Variants in PTPRD observed in about 807,000 individuals in gnomAD.
PTPRD encodes the protein protein tyrosine phosphatase receptor type D.
A neutral mutation model predicts 214.5 loss-of-function variants in PTPRD; 34 were observed. The observed-to-expected ratio is 0.16, with a 90% CI of 0.12 to 0.21. PTPRD has a LOEUF of 0.21. PTPRD is among the 10% of genes least tolerant of loss of function. The pLI, the probability that PTPRD is intolerant of heterozygous loss-of-function variation, is 1.00. For missense variants in PTPRD, 2,545 were observed against 2,398.7 expected (o/e 1.06, Z -1.27); for synonymous variants, 1,128 against 845.7 (o/e 1.33, Z -5.79).
intron 7 of PTPRD, among the ~76,000 whole-genome samples, chr9:9,650,214 G>A (rs1379016711): frequency 6.6e-6 from 1 of 152,104 alleles, no homozygotes; most frequent in African/African-American, 2.4e-5. Flanking sequence ...GATGTGCCTT[G>A]CTTCCCCATT....
intron 2 of PTPRD, among the ~76,000 whole-genome samples, chr9:10,392,259 C>A (rs1478472173): frequency 6.6e-6 from 1 of 151,846 alleles, no homozygotes; most frequent in Non-Finnish European, 1.5e-5. Context: ...AGTCACTAGC[C>A]ACATGAGGAT....
chr9:8,826,765 T>C (rs563323142), intron 11 of PTPRD, among the ~76,000 whole-genome samples: 1 of 152,174 alleles, frequency 6.6e-6, no homozygotes, highest in East Asian at 1.9e-4. Flanking sequence ...AAATGCCCAG[T>C]GTTTAGCATG....
At chr9:10,056,044 C>G (rs988465348) in intron 3 of PTPRD, among the ~76,000 whole-genome samples, 1 of 146,314 alleles carries the variant, frequency 6.8e-6, no homozygotes, top group Non-Finnish European at 1.5e-5. Context: ...ATTAAAGAGC[C>G]GGGCGCAGTG....
chr9:8,582,180 G>GGTTGGGACTAGCCAATAAACAGT (rs2093217722), intron 14 of PTPRD, among the ~76,000 whole-genome samples: 1 of 152,092 alleles, frequency 6.6e-6, no homozygotes, highest in African/African-American at 2.4e-5. Context: ...AGGAGAGAAA[G>GGTTGGGACTAGCCAATAAACAGT]GTTGGGACTA....
At chr9:9,444,551 C>A (rs949901225) in intron 8 of PTPRD, among the ~76,000 whole-genome samples, 2 of 152,102 alleles carry the variant, frequency 1.3e-5, no homozygotes, top group Non-Finnish European at 2.9e-5. Flanking sequence ...CTAATAAACA[C>A]AGATGTTTTT....
At chr9:8,371,116 A>G (rs2134392855) in intron 39 of PTPRD, among the ~76,000 whole-genome samples, 1 of 152,210 alleles carries the variant, frequency 6.6e-6, no homozygotes, top group East Asian at 1.9e-4. Context: ...GGTATGTGGG[A>G]AAGAACATGA....
intron 11 of PTPRD, among the ~76,000 whole-genome samples, chr9:8,975,806 A>G (rs905020945): frequency 2.7e-5 from 4 of 150,522 alleles, no homozygotes; most frequent in Admixed American, 2.0e-4. Flanking sequence ...ATATATTTGT[A>G]TATATATATA....
intron 2 of PTPRD, among the ~76,000 whole-genome samples, chr9:10,524,814 T>C (rs2053709023): frequency 1.3e-5 from 2 of 152,210 alleles, no homozygotes; most frequent in East Asian, 1.9e-4. Context: ...GCTATTTTTA[T>C]TTCATTTTTA....
chr9:9,129,584 T>A (rs564117998), intron 10 of PTPRD, among the ~76,000 whole-genome samples: 2 of 152,242 alleles, frequency 1.3e-5, no homozygotes, highest in South Asian at 4.1e-4. Context: ...ATTTACAAAT[T>A]TTATATCACT....
At position 10,338,162 on chromosome 9, in the gene PTPRD, G is replaced by C. The variant is rs1490754480; in HGVS notation, c.-545+2801C>G. 2.6e-5 allele frequency among the ~76,000 whole-genome samples: 4 copies of C among 151,584 alleles called. No homozygotes were observed. The East Asian group carries it at 7.8e-4, about 30-fold the overall frequency. On this transcript the variant is annotated intron_variant, in intron 3 of 45. Transcript: ENST00000381196. ...ACTGGGTCTTGCTAGCAGTATCAAAGTTATGTTAGGAAACAGTGCTGAGAA... is the reference window on the plus strand; with the variant it reads ...ACTGGGTCTTGCTAGCAGTATCAAACTTATGTTAGGAAACAGTGCTGAGAA...
At chr9:9,453,822 G>A (rs2092606515) in intron 8 of PTPRD, among the ~76,000 whole-genome samples, 2 of 151,498 alleles carry the variant, frequency 1.3e-5, no homozygotes, top group Admixed American at 1.3e-4. Flanking sequence ...GAGATATAAG[G>A]GCCTAAAGAG....
intron 14 of PTPRD, among the ~76,000 whole-genome samples, chr9:8,597,577 AAAAC>A (rs1462908198): frequency 6.6e-6 from 1 of 152,200 alleles, no homozygotes; most frequent in Non-Finnish European, 1.5e-5. Flanking sequence ...GATCAAATAA[AAAAC>A]AGAATGCATT....
intron 11 of PTPRD, among the ~76,000 whole-genome samples, chr9:8,986,427 G>A (rs769849467): frequency 1.2e-4 from 18 of 151,314 alleles, no homozygotes; most frequent in Non-Finnish European, 2.5e-4. Flanking sequence ...ATAATTTTTT[G>A]TGTTTTAAAA....
intron 6 of PTPRD, among the ~76,000 whole-genome samples, chr9:9,738,929 C>A (rs1384888602): frequency 6.6e-6 from 1 of 152,018 alleles, no homozygotes; most frequent in Non-Finnish European, 1.5e-5. Flanking sequence ...TAGATGCATT[C>A]TGATTTGATA....
chr9:8,950,644 T>A lies in PTPRD; in HGVS notation c.-104+68053A>T, dbSNP rs150342800. 2.0e-5 allele frequency among the ~76,000 whole-genome samples: 3 copies of A among 152,246 alleles called. No individual in the cohort carries two copies. The East Asian group carries it at 5.8e-4, about 29-fold the overall frequency. On this transcript the variant is annotated intron_variant, in intron 11 of 45. Coordinates refer to ENST00000381196, the MANE Select transcript of PTPRD (RefSeq NM_002839.4). ...GTATATAATGGAGCAAGTATCCATT[T>A]TTTCCAATAGATAGAACTTCCCAGA...
At chr9:9,659,159 T>C (rs2096576377) in intron 7 of PTPRD, among the ~76,000 whole-genome samples, 1 of 152,108 alleles carries the variant, frequency 6.6e-6, no homozygotes, top group African/African-American at 2.4e-5. Context: ...TTGCAATTCA[T>C]TAGTTACAAG....
chr9:9,862,848 A>T (rs1409047060), intron 5 of PTPRD, among the ~76,000 whole-genome samples: 1 of 152,166 alleles, frequency 6.6e-6, no homozygotes, highest in Non-Finnish European at 1.5e-5. Context: ...TTCTGTATAC[A>T]TTCTATTTCA....
At chr9:9,150,768 G>T (rs563368592) in intron 10 of PTPRD, among the ~76,000 whole-genome samples, 3 of 151,956 alleles carry the variant, frequency 2.0e-5, no homozygotes, top group Non-Finnish European at 2.9e-5. Flanking sequence ...GCCAACAACC[G>T]GCCTGAAACT....
intron 3 of PTPRD, among the ~76,000 whole-genome samples, chr9:10,132,149 G>A (rs1400973215): frequency 2.6e-5 from 4 of 151,752 alleles, no homozygotes; most frequent in Non-Finnish European, 5.9e-5. Context: ...TAAGACATTG[G>A]GTAATTTGTG....
Sources: allele counts gnomAD v4.1 joint callset (sites outside exome capture counted in the v4.1 genomes callset), GRCh38; gene constraint gnomAD v4.1.1; transcripts MANE v1.5; gene names NCBI Gene and HGNC (gene_info 2026-07-23, HGNC 2026-07-21).